PRR16: variants seen among roughly 807,000 people sequenced by gnomAD.
The protein encoded by PRR16 is proline rich 16.
A neutral mutation model predicts 18.2 loss-of-function variants in PRR16; 6 were observed. That is an observed-to-expected ratio of 0.33 (90% confidence interval 0.18 to 0.65). The LOEUF is 0.65. Ranked by LOEUF, PRR16 falls within the 30% of genes least tolerant of loss-of-function variation. The pLI is 0.74. For synonymous variants in PRR16, 151 were observed against 147.8 expected, an observed-to-expected ratio of 1.02 and a Z score of -0.16; for missense variants, 412 against 376.6, an observed-to-expected ratio of 1.09 and a Z score of -0.78.
the PRR16 span, among the ~76,000 whole-genome samples, chr5:120,693,604 C>CT: frequency 6.6e-6 from 1 of 152,182 alleles, no homozygotes. Flanking sequence ...GTCTCCCAAA[C>CT]TTTTTTATAA....
intron 1 of PRR16, among the ~76,000 whole-genome samples, chr5:120,604,136 C>T (rs1478257228): frequency 1.3e-5 from 2 of 151,440 alleles, no homozygotes; most frequent in Non-Finnish European, 2.9e-5. Context: ...CATGATTTGT[C>T]TAACACCGTC....
At chr5:120,624,897 A>G (rs1031212392) in intron 1 of PRR16, among the ~76,000 whole-genome samples, 6 of 152,088 alleles carry the variant, frequency 3.9e-5, no homozygotes, top group African/African-American at 1.4e-4. Flanking sequence ...AAGTCTCATG[A>G]GATCTGATGG....
At chr5:120,680,058 G>A (rs1756924873) in intron 1 of PRR16, among the ~76,000 whole-genome samples, 1 of 152,088 alleles carries the variant, frequency 6.6e-6, no homozygotes, top group African/African-American at 2.4e-5. Flanking sequence ...TCGTTCCACT[G>A]AAGAAACCAC....
At chr5:120,709,377 G>C in the PRR16 span, among the ~76,000 whole-genome samples, 5 of 152,092 alleles carry the variant, frequency 3.3e-5, no homozygotes, top group Admixed American at 3.3e-4. Context: ...CACATTAGTT[G>C]TTCATATTTA....
the PRR16 span, among the ~76,000 whole-genome samples, chr5:120,715,404 A>T: frequency 1.6e-4 from 24 of 152,202 alleles, no homozygotes; most frequent in African/African-American, 4.8e-4. Flanking sequence ...AAACACACAC[A>T]TTCTATTTAT....
the PRR16 span, among the ~76,000 whole-genome samples, chr5:120,724,928 T>A: frequency 0.33 from 49,801 of 151,432 alleles, 10,109 homozygotes; most frequent in Middle Eastern, 0.52. Flanking sequence ...TTAAAAAAAA[T>A]ATATATAGTA....
chr5:120,782,226 A>C, the PRR16 span, among the ~76,000 whole-genome samples: 2 of 152,168 alleles, frequency 1.3e-5, no homozygotes, highest in African/African-American at 4.8e-5. Context: ...TTGCAGGATT[A>C]GCTTCATTAA....
At chr5:120,770,975 G>T in the PRR16 span, among the ~76,000 whole-genome samples, 1 of 132,232 alleles carries the variant, frequency 7.6e-6, no homozygotes, top group Non-Finnish European at 1.6e-5. Flanking sequence ...CACACACCTT[G>T]CATCTTTTCT....
intron 1 of PRR16, among the ~76,000 whole-genome samples, chr5:120,634,439 C>T (rs1580812275): frequency 6.6e-6 from 1 of 152,038 alleles, no homozygotes; most frequent in South Asian, 2.1e-4. Context: ...AGGTGAGGAG[C>T]TCAAGACAAG....
At chr5:120,480,314 CTG>C (rs1392056790) in intron 1 of PRR16, among the ~76,000 whole-genome samples, 1 of 152,182 alleles carries the variant, frequency 6.6e-6, no homozygotes, top group African/African-American at 2.4e-5. Context: ...AATACTCATA[CTG>C]TCCAATGAAT....
chr5:120,535,439 G>A (rs1331785971), intron 1 of PRR16, among the ~76,000 whole-genome samples: 1 of 152,050 alleles, frequency 6.6e-6, no homozygotes, highest in African/African-American at 2.4e-5. Flanking sequence ...AACTATGTTT[G>A]TGTACATTTT....
At chr5:120,493,504 T>C (rs977699217) in intron 1 of PRR16, among the ~76,000 whole-genome samples, 6 of 152,172 alleles carry the variant, frequency 3.9e-5, no homozygotes, top group African/African-American at 1.4e-4. Context: ...CATGCAGTTA[T>C]AAGAAATGAT....
chr5:120,572,265 A>G (rs563213401), intron 1 of PRR16, among the ~76,000 whole-genome samples: 1 of 152,266 alleles, frequency 6.6e-6, no homozygotes, highest in African/African-American at 2.4e-5. Flanking sequence ...CTCTCAAAGA[A>G]TTTGTGGCCA....
chr5:120,588,925 AT>A (rs11378287), intron 1 of PRR16, among the ~76,000 whole-genome samples: 4 of 151,438 alleles, frequency 2.6e-5, no homozygotes, highest in East Asian at 1.9e-4. Context: ...TAACCAATAG[AT>A]TTTTTTTTAT....
chr5:120,656,087 A>C (rs995793829), intron 1 of PRR16, among the ~76,000 whole-genome samples: 1 of 151,476 alleles, frequency 6.6e-6, no homozygotes, highest in African/African-American at 2.4e-5. Context: ...AGAATTCCAA[A>C]CCCCCTAACT....
At chr5:120,603,230 C>A (rs902110753) in intron 1 of PRR16, among the ~76,000 whole-genome samples, 2 of 151,928 alleles carry the variant, frequency 1.3e-5, no homozygotes, top group African/African-American at 4.8e-5. Context: ...ATTACACATG[C>A]AATTTGGAAC....
At chr5:120,515,706 T>C (rs1451561059) in intron 1 of PRR16, among the ~76,000 whole-genome samples, 2 of 152,222 alleles carry the variant, frequency 1.3e-5, no homozygotes, top group African/African-American at 4.8e-5. Context: ...TGTGGATATT[T>C]ATTCAAATGA....
At chr5:120,785,139 A>G in the PRR16 span, among the ~76,000 whole-genome samples, 2 of 152,250 alleles carry the variant, frequency 1.3e-5, no homozygotes, top group Admixed American at 1.3e-4. Context: ...GAATAATACA[A>G]ATATCATAAA....
At chr5:120,734,023 A>G in the PRR16 span, among the ~76,000 whole-genome samples, 11 of 152,198 alleles carry the variant, frequency 7.2e-5, no homozygotes, top group Admixed American at 7.2e-4. Flanking sequence ...CATTAATACA[A>G]CTGTGTGACT....
Sources: allele counts gnomAD v4.1 joint callset (sites outside exome capture counted in the v4.1 genomes callset), GRCh38; gene constraint gnomAD v4.1.1; transcripts MANE v1.5; gene names NCBI Gene and HGNC (gene_info 2026-07-23, HGNC 2026-07-21).